The following RIT2 variants were observed in gnomAD, a reference collection of about 807,000 sequenced individuals.
RIT2 encodes GTP-binding protein Rit2.
Under a neutral mutation model 23.7 loss-of-function variants are expected in RIT2, and 24 were observed. The ratio of observed to expected loss-of-function variants is 1.01; its 90% CI spans 0.73 to 1.43. The LOEUF (loss-of-function observed/expected upper bound fraction) is 1.43, where lower values mean the gene tolerates loss of function less well. Among genes scored for constraint, RIT2 ranks in the 40% most tolerant of loss-of-function variants. The probability of loss-of-function intolerance (pLI) is 0.00; values close to 1 mark genes in which losing one functional copy is unlikely to be tolerated. For missense variants in RIT2, 236 were observed against 266.9 expected (o/e 0.88, Z 0.81); for synonymous variants, 107 against 91.1 (o/e 1.17, Z -0.99).
chr18:42,824,325 T>C (rs1231783163), intron 4 of RIT2, among the ~76,000 whole-genome samples: 1 of 152,078 alleles, frequency 6.6e-6, no homozygotes, highest in Non-Finnish European at 1.5e-5. Context: ...AGTAAGTCAA[T>C]TAGACTGTTA....
intron 4 of RIT2, among the ~76,000 whole-genome samples, chr18:42,795,468 G>C (rs1438515009): frequency 1.3e-5 from 2 of 152,220 alleles, no homozygotes; most frequent in Non-Finnish European, 2.9e-5. Flanking sequence ...CTGCCTTCCC[G>C]CGGGGCAGGG....
intron 1 of RIT2, among the ~76,000 whole-genome samples, chr18:43,051,493 TCCAGGAG>T (rs1912383525): frequency 6.6e-6 from 1 of 152,070 alleles, no homozygotes; most frequent in Non-Finnish European, 1.5e-5. Flanking sequence ...AAAATTTCCA[TCCAGGAG>T]AGGTTCACTT....
chr18:43,111,893 A>G (rs1312558724), intron 1 of RIT2, among the ~76,000 whole-genome samples: 1 of 152,120 alleles, frequency 6.6e-6, no homozygotes, highest in Non-Finnish European at 1.5e-5. Flanking sequence ...TCAATGCCTC[A>G]GTTTGGCCAT....
Position 43,049,972 on chromosome 18 carries a change from C to CTTT in RIT2, c.104-16108_104-16106dup, listed in dbSNP as rs755291383. On this transcript the variant is annotated intron_variant, in intron 1 of 4. Transcript: ENST00000326695. ...CAATGGGTAATTGAGAAGGGATTTC[C>CTTT]TTTTTTTTTTTTTTTTTTTTTTTTT... Among the ~76,000 whole-genome samples, 125 of 66,000 alleles carry CTTT rather than the reference C, an allele frequency of 1.9e-3. 4 individuals are homozygous for CTTT. The highest frequency in any genetic ancestry group is 7.8e-3 in the African/African-American group (119 of 15,290). The allele number at this position is 66,000 out of a possible 152,430, so 43.3% of individuals were successfully genotyped here. A position where few individuals can be genotyped will look rare whatever the true frequency, so the allele number is the denominator to read the frequency against.
chr18:43,114,432 A>G (rs1914021513), intron 1 of RIT2, among the ~76,000 whole-genome samples: 1 of 151,942 alleles, frequency 6.6e-6, no homozygotes, highest in Admixed American at 6.6e-5. Context: ...TGCCGAAAAT[A>G]TTGTCTTCGT....
intron 3 of RIT2, among the ~76,000 whole-genome samples, chr18:42,960,086 A>G (rs1163463222): frequency 2.6e-5 from 4 of 152,220 alleles, no homozygotes; most frequent in African/African-American, 9.6e-5. Flanking sequence ...GCACTGTTCA[A>G]GCTTCACTCT....
intron 1 of RIT2, among the ~76,000 whole-genome samples, chr18:43,099,841 C>A (rs1167686510): frequency 1.3e-5 from 2 of 152,102 alleles, no homozygotes; most frequent in African/African-American, 4.8e-5. Context: ...TCACTAAATG[C>A]TTTTGGCATT....
chr18:42,965,091 A>G (rs898805226), intron 3 of RIT2, among the ~76,000 whole-genome samples: 2 of 152,174 alleles, frequency 1.3e-5, no homozygotes, highest in Non-Finnish European at 2.9e-5. Context: ...GGCAGGAAAA[A>G]CTATTTAAAT....
chr18:43,033,766 C>T (rs1194113249), intron 2 of RIT2, 45 bp downstream of exon 2: 4 of 1,322,318 alleles, frequency 3.0e-6, no homozygotes, highest in Admixed American at 1.8e-5. Context: ...CACTTAGTCA[C>T]AGTGTCTTTA....
intron 1 of RIT2, 99 bp downstream of exon 1, chr18:43,115,318 T>G: frequency 6.8e-7 from 1 of 1,465,634 alleles, no homozygotes. Flanking sequence ...ACTGCCACAG[T>G]TCACCTCTAA....
intron 4 of RIT2, among the ~76,000 whole-genome samples, chr18:42,917,116 T>G (rs974630570): frequency 6.6e-6 from 1 of 152,120 alleles, no homozygotes; most frequent in Non-Finnish European, 1.5e-5. Context: ...GGCCGGAAGC[T>G]ATCTATGAAT....
intron 1 of RIT2, among the ~76,000 whole-genome samples, chr18:43,075,082 A>T (rs1331445175): frequency 6.6e-6 from 1 of 152,172 alleles, no homozygotes; most frequent in Non-Finnish European, 1.5e-5. Context: ...AAATTTTAAA[A>T]GACTCTTTTA....
intron 4 of RIT2, among the ~76,000 whole-genome samples, chr18:42,769,474 T>G (rs1235768536): frequency 6.6e-6 from 1 of 152,142 alleles, no homozygotes; most frequent in Admixed American, 6.5e-5. Flanking sequence ...CAAGATAAAT[T>G]TTAAATGGCC....
At chr18:43,108,156 T>C (rs1008272716) in intron 1 of RIT2, among the ~76,000 whole-genome samples, 18 of 142,636 alleles carry the variant, frequency 1.3e-4, no homozygotes, top group Admixed American at 6.5e-4. Context: ...GCCTGAGTGA[T>C]AGAACGAGAC....
chr18:43,113,813 C>T (rs138209328), intron 1 of RIT2, among the ~76,000 whole-genome samples: 4 of 152,268 alleles, frequency 2.6e-5, no homozygotes, highest in African/African-American at 7.2e-5. Flanking sequence ...CACATTATTG[C>T]GACAATTTCA....
intron 4 of RIT2, among the ~76,000 whole-genome samples, chr18:42,852,772 C>T (rs1005343418): frequency 7.3e-6 from 1 of 137,334 alleles, no homozygotes; most frequent in Non-Finnish European, 1.6e-5. Context: ...TCCCTCCCTC[C>T]CTCCCTCTCT....
chr18:43,107,926 G>GT (rs1373881519), intron 1 of RIT2, among the ~76,000 whole-genome samples: 3 of 151,662 alleles, frequency 2.0e-5, no homozygotes, highest in Non-Finnish European at 4.4e-5. Context: ...CCCTTTGGAA[G>GT]TCCGAGGCGG....
chr18:43,062,895 C>T (rs1056637610), intron 1 of RIT2, among the ~76,000 whole-genome samples: 2 of 151,960 alleles, frequency 1.3e-5, no homozygotes, highest in African/African-American at 4.8e-5. Flanking sequence ...ATATGGAAAA[C>T]TTAGAGGGTG....
intron 4 of RIT2, among the ~76,000 whole-genome samples, chr18:42,820,279 T>C (rs1906110887): frequency 6.6e-6 from 1 of 152,036 alleles, no homozygotes; most frequent in Non-Finnish European, 1.5e-5. Flanking sequence ...GAAACTATTC[T>C]TGGAGCTGTA....
Sources: gnomAD v4.1 joint callset for allele counts (sites outside exome capture counted in the v4.1 genomes callset) on GRCh38, gnomAD v4.1.1 for gene constraint, MANE v1.5 for transcripts, NCBI Gene and HGNC (gene_info 2026-07-23, HGNC 2026-07-21) for gene names.